The following EPHB1 variants were observed in gnomAD, a reference collection of about 807,000 sequenced individuals.
EPHB1 encodes ephrin type-B receptor 1.
A neutral mutation model predicts 94.4 loss-of-function variants in EPHB1; 30 were observed. The ratio of observed to expected loss-of-function variants is 0.32; its 90% confidence interval spans 0.24 to 0.43. The LOEUF (loss-of-function observed/expected upper bound fraction) is 0.43, where lower values mean the gene tolerates loss of function less well. EPHB1 is among the 20% of genes least tolerant of loss of function. The probability of loss-of-function intolerance (pLI) is 1.00; values close to 1 mark genes in which losing one functional copy is unlikely to be tolerated. For synonymous variants in EPHB1, 522 were observed against 489.1 expected, an observed-to-expected ratio of 1.07 and a Z score of -0.89; for missense variants, 1,055 against 1,308.3, an observed-to-expected ratio of 0.81 and a Z score of 2.99.
chr3:134,831,784 G>A (rs953216442), intron 1 of EPHB1, among the ~76,000 whole-genome samples: 1 of 152,178 alleles, frequency 6.6e-6, no homozygotes, highest in East Asian at 1.9e-4. Flanking sequence ...GAAGCAATAC[G>A]TGCTTCTGAG....
chr3:135,126,750 A>G (rs1387931328), intron 4 of EPHB1, among the ~76,000 whole-genome samples: 1 of 152,148 alleles, frequency 6.6e-6, no homozygotes, highest in African/African-American at 2.4e-5. Flanking sequence ...AACACCTTGC[A>G]TCTGTACCAC....
chr3:135,224,107 G>A (rs1464314334), intron 12 of EPHB1, among the ~76,000 whole-genome samples: 1 of 152,140 alleles, frequency 6.6e-6, no homozygotes, highest in African/African-American at 2.4e-5. Context: ...ATTCTTCATA[G>A]TACCATGCTA....
chr3:135,182,642 G>A (rs1477585244), intron 10 of EPHB1, among the ~76,000 whole-genome samples: 2 of 152,214 alleles, frequency 1.3e-5, no homozygotes, highest in South Asian at 2.1e-4. Flanking sequence ...TGCAAAGAAT[G>A]ACCTTTGGCC....
chr3:134,943,554 T>C (rs1019487103), intron 2 of EPHB1, among the ~76,000 whole-genome samples: 2 of 152,100 alleles, frequency 1.3e-5, no homozygotes, highest in Non-Finnish European at 2.9e-5. Context: ...GCCTTTTGAA[T>C]ACCCGACTGA....
At chr3:135,075,370 CT>C (rs1440861665) in intron 3 of EPHB1, among the ~76,000 whole-genome samples, 5 of 152,148 alleles carry the variant, frequency 3.3e-5, no homozygotes, top group African/African-American at 1.2e-4. Flanking sequence ...CATGAGCCAT[CT>C]GATGAGTAGA....
At position 135,143,992 on chromosome 3, in the gene EPHB1, T is replaced by C. The variant is rs3772649; in HGVS notation, c.1298-10160T>C. ...CACAGGGCTCTGCACACTTCCACCA[T>C]AGGTGGGGACCCCTGATCTCCCTAA... is the stretch of plus-strand genomic sequence containing the variant. On this transcript the variant is annotated intron_variant, in intron 5 of 15. Transcript: ENST00000398015. Among the ~76,000 whole-genome samples the C allele has an allele frequency of 2.1e-3, 326 of 152,192 alleles. 5 individuals carry two copies. In the East Asian group the frequency reaches 0.03, roughly 14 times the overall value.
chr3:135,099,458 A>G (rs1938949243), intron 3 of EPHB1, among the ~76,000 whole-genome samples: 2 of 152,180 alleles, frequency 1.3e-5, no homozygotes, highest in Admixed American at 1.3e-4. Context: ...GAGCTCCCAT[A>G]AGGCTTTGAG....
chr3:135,161,311 G>C (rs898371453), intron 6 of EPHB1, among the ~76,000 whole-genome samples: 1 of 151,654 alleles, frequency 6.6e-6, no homozygotes, highest in Non-Finnish European at 1.5e-5. Flanking sequence ...CAGAGTAGGT[G>C]GGGGGGATGA....
intron 3 of EPHB1, among the ~76,000 whole-genome samples, chr3:135,106,124 T>A (rs1447444322): frequency 6.6e-6 from 1 of 152,226 alleles, no homozygotes; most frequent in Admixed American, 6.5e-5. Context: ...TAACCATTTA[T>A]AGAGCACTTA....
intron 1 of EPHB1, among the ~76,000 whole-genome samples, chr3:134,916,085 C>G (rs1560295074): frequency 6.6e-6 from 1 of 152,152 alleles, no homozygotes; most frequent in Non-Finnish European, 1.5e-5. Context: ...GAGCTAGACA[C>G]AAACGTTCTC....
At chr3:134,943,409 T>A (rs6801218) in intron 2 of EPHB1, among the ~76,000 whole-genome samples, 67,093 of 152,008 alleles carry the variant, frequency 0.44, 15,290 homozygotes, top group Middle Eastern at 0.56. Context: ...GACCAGGGCA[T>A]GAGGTGATGC....
In EPHB1 at chr3:135,233,888, T is replaced by C. The variant is rs369569558; in HGVS notation, c.2347-7260T>C. On this transcript the variant is annotated intron_variant, in intron 12 of 15. Coordinates refer to ENST00000398015, the MANE Select transcript of EPHB1 (RefSeq NM_004441.5). ...GCCTGAGCTGTACCTTGACCCCTTT[T>C]GGCCATAGCTGGAGCAGCTGAGATA... Among the ~76,000 whole-genome samples, 9 of 152,306 alleles carry C rather than the reference T, an allele frequency of 5.9e-5. 1 individual carries two copies. The highest frequency in any genetic ancestry group is 2.2e-4 in the African/African-American group (9 of 41,574).
At position 135,246,805 on chromosome 3, in the gene EPHB1, G is replaced by A. The variant is rs188175163; in HGVS notation, c.2497-1511G>A. Among the ~76,000 whole-genome samples the A allele has an allele frequency of 1.5e-3, 228 of 152,180 alleles. 2 individuals are homozygous for A. Among genetic ancestry groups the A allele is most frequent in the African/African-American group, 5.3e-3 (222 of 41,512 alleles). The stretch of plus-strand genomic sequence containing the variant: ...TTAAATATAGCGATAAAATTGATGT[G>A]GTTTGTATGCTTGATTTTCACCCTA... On this transcript the variant is annotated intron_variant, in intron 13 of 15. Coordinates refer to ENST00000398015, the MANE Select transcript of EPHB1 (RefSeq NM_004441.5).
At chr3:135,235,881 G>C (rs2107726083) in intron 12 of EPHB1, among the ~76,000 whole-genome samples, 1 of 152,304 alleles carries the variant, frequency 6.6e-6, no homozygotes, top group South Asian at 2.1e-4. Flanking sequence ...TGAAATGTTA[G>C]AGGGGCCCTG....
At chr3:135,145,153 C>G (rs1940968656) in intron 5 of EPHB1, among the ~76,000 whole-genome samples, 1 of 152,120 alleles carries the variant, frequency 6.6e-6, no homozygotes, top group South Asian at 2.1e-4. Context: ...AGTGGGAGAT[C>G]CAGCTATCTA....
chr3:134,955,602 C>T (rs1193280721), intron 3 of EPHB1, among the ~76,000 whole-genome samples: 1 of 77,866 alleles, frequency 1.3e-5, no homozygotes, highest in Non-Finnish European at 2.5e-5. Flanking sequence ...TACCATTTGA[C>T]CCAGCCATCC....
In EPHB1 at chr3:134,795,563, C is replaced by G; in HGVS notation, c.-69C>G. ...CCACCCGCGGAGAGCGCAGCGGCGC[C>G]CTGGGACGCGGCGCTCTCCCGGCGC... is the stretch of plus-strand genomic sequence containing the variant. On this transcript the variant is annotated 5_prime_UTR_variant, in exon 1 of 16. Transcript: ENST00000398015. 1 of 1,494,208 alleles carries G rather than the reference C, an allele frequency of 6.7e-7. No individual in the cohort carries two copies. Among genetic ancestry groups the G allele is most frequent in the Non-Finnish European group, 9.2e-7 (1 of 1,087,082 alleles). 92.6% of individuals were successfully genotyped at this position (1,494,208 alleles called of 1,614,324 possible).
At chr3:135,085,658 A>G (rs919127572) in intron 3 of EPHB1, among the ~76,000 whole-genome samples, 6 of 152,332 alleles carry the variant, frequency 3.9e-5, no homozygotes, top group Middle Eastern at 6.8e-3. Context: ...CGGGCCTCTC[A>G]GCATTGCCCA....
In EPHB1 at chr3:134,952,065, G is replaced by A; in HGVS notation, c.805+13G>A. On this transcript the variant is annotated intron_variant, in intron 3 of 15. Coordinates refer to ENST00000398015, the MANE Select transcript of EPHB1 (RefSeq NM_004441.5). ...GTGGCATGCAAGGGTAAGCTTTGGA[G>A]CCTCTGCTTCCTGCCCATCTATGGC... 2 of 1,580,092 alleles carry A rather than the reference G, an allele frequency of 1.3e-6. No homozygotes were observed. Among genetic ancestry groups the A allele is most frequent in the Non-Finnish European group, 1.7e-6 (2 of 1,159,564 alleles).
Sources: allele counts gnomAD v4.1 joint callset (sites outside exome capture counted in the v4.1 genomes callset), GRCh38; gene constraint gnomAD v4.1.1; transcripts MANE v1.5; gene names NCBI Gene and HGNC (gene_info 2026-07-23, HGNC 2026-07-21).